NRG3: variants seen among roughly 807,000 people sequenced by gnomAD.
NRG3 encodes neuregulin 3.
A neutral mutation model predicts 66.9 loss-of-function variants in NRG3; 31 were observed. The observed-to-expected ratio is 0.46, with a 90% CI of 0.35 to 0.63. The LOEUF (loss-of-function observed/expected upper bound fraction) is 0.63. Ranked by LOEUF, NRG3 falls within the 20% of genes least tolerant of loss-of-function variation. The pLI is 0.00. For missense variants in NRG3, 910 were observed against 878.9 expected (o/e 1.04, Z -0.45); for synonymous variants, 393 against 359.4 (o/e 1.09, Z -1.06).
At chr10:82,866,850 A>T (rs1840790892) in intron 4 of NRG3, among the ~76,000 whole-genome samples, 1 of 152,162 alleles carries the variant, frequency 6.6e-6, no homozygotes, top group Non-Finnish European at 1.5e-5. Context: ...GAGTGTAAAT[A>T]ACCAAACTGA....
Position 82,985,746 on chromosome 10 carries a change from T to A in NRG3, c.*141T>A. 3.4e-6 allele frequency: 3 copies of A among 889,588 alleles called. No individual in the cohort carries two copies. The highest frequency in any genetic ancestry group is 5.1e-5 in the Admixed American group (2 of 39,098). The allele number at this position is 889,588 out of a possible 1,614,324, so 55.1% of individuals were successfully genotyped here. The stretch of plus-strand genomic sequence containing the variant: ...AGTCTATCGCCCTCATATCATAGTG[T>A]TTTTTAACAAAATATTTTTTTAAGG... On this transcript the variant is annotated 3_prime_UTR_variant, in exon 9 of 9. Transcript: ENST00000372141.
intron 1 of NRG3, chr10:81,877,713 C>T (rs1230554041): frequency 3.8e-6 from 5 of 1,330,872 alleles, no homozygotes; most frequent in East Asian, 3.0e-5. Flanking sequence ...AAGGAATCTG[C>T]CACAAACCAG....
chr10:82,470,970 G>T (rs758534524), intron 2 of NRG3, among the ~76,000 whole-genome samples: 1 of 152,024 alleles, frequency 6.6e-6, no homozygotes, highest in Non-Finnish European at 1.5e-5. Flanking sequence ...CTGGTTCTGC[G>T]GCTGTCTTTC....
At chr10:82,516,465 G>T (rs1173348899) in intron 2 of NRG3, among the ~76,000 whole-genome samples, 3 of 152,084 alleles carry the variant, frequency 2.0e-5, no homozygotes, top group Non-Finnish European at 4.4e-5. Flanking sequence ...GAACTGAACT[G>T]GGAGCCATTT....
chr10:82,114,544 C>T (rs965876339), intron 1 of NRG3, among the ~76,000 whole-genome samples: 3 of 152,104 alleles, frequency 2.0e-5, no homozygotes, highest in South Asian at 4.1e-4. Context: ...CACATGCTTG[C>T]ACAAGCATGT....
chr10:82,561,626 C>G (rs760643438), intron 2 of NRG3, among the ~76,000 whole-genome samples: 1 of 152,130 alleles, frequency 6.6e-6, no homozygotes, highest in Non-Finnish European at 1.5e-5. Context: ...GTGCTCCATC[C>G]TGGGTTTTGT....
rs1426877649 is a variant in NRG3 at position 82,928,113 on chromosome 10, CAT to C, written c.1055-23353_1055-23352del. ...TGACCAGTGATGATGAGCTTTTTTT[CAT>C]ATGTTTGCTGGCTATATAAATGTCT... On this transcript the variant is annotated intron_variant, in intron 4 of 8. Coordinates refer to ENST00000372141, the MANE Select transcript of NRG3 (RefSeq NM_001010848.4). Among the ~76,000 whole-genome samples, 4 of 152,174 alleles carry C rather than the reference CAT, an allele frequency of 2.6e-5. No individual in the cohort carries two copies. In the East Asian group the frequency reaches 5.8e-4, roughly 22 times the overall value.
At chr10:81,878,867 A>T (rs1302643494) in intron 1 of NRG3, among the ~76,000 whole-genome samples, 1 of 152,196 alleles carries the variant, frequency 6.6e-6, no homozygotes, top group Non-Finnish European at 1.5e-5. Context: ...TCTTAGATCA[A>T]TCAGAAGGAT....
intron 1 of NRG3, among the ~76,000 whole-genome samples, chr10:81,960,336 A>G (rs937502723): frequency 6.6e-6 from 1 of 152,106 alleles, no homozygotes; most frequent in African/African-American, 2.4e-5. Flanking sequence ...TAAATTTTTT[A>G]ATGTTGTGGC....
chr10:82,557,956 A>C (rs767447261), intron 2 of NRG3, among the ~76,000 whole-genome samples: 8 of 152,162 alleles, frequency 5.3e-5, no homozygotes, highest in Non-Finnish European at 1.0e-4. Context: ...CACTCGCTAC[A>C]TTACAAGGTG....
At chr10:82,559,817 A>G (rs1330661426) in intron 2 of NRG3, among the ~76,000 whole-genome samples, 1 of 152,182 alleles carries the variant, frequency 6.6e-6, no homozygotes, top group Non-Finnish European at 1.5e-5. Context: ...TTTTCAAGGG[A>G]CACCATACTT....
chr10:82,404,244 C>T (rs190394154), intron 2 of NRG3, among the ~76,000 whole-genome samples: 16 of 152,136 alleles, frequency 1.1e-4, no homozygotes, highest in Non-Finnish European at 4.4e-5. Flanking sequence ...CATTGCTCAC[C>T]CCTTCGGGAT....
chr10:81,896,358 C>T (rs1178270972), intron 1 of NRG3, among the ~76,000 whole-genome samples: 2 of 152,106 alleles, frequency 1.3e-5, no homozygotes, highest in Non-Finnish European at 2.9e-5. Flanking sequence ...CTCTCACTTT[C>T]TCGCCATCCT....
rs557325609 is a variant in NRG3 at position 82,532,448 on chromosome 10, C to A, written c.953+173580C>A. ...TACTATACAATGGATTACTATATATCTATTACTATACAATGGATTACTATA... is the reference window on the plus strand; with the variant it reads ...TACTATACAATGGATTACTATATATATATTACTATACAATGGATTACTATA... On this transcript the variant is annotated intron_variant, in intron 2 of 8. Transcript: ENST00000372141. 1.3e-3 allele frequency among the ~76,000 whole-genome samples: 196 copies of A among 148,588 alleles called. 1 individual carries two copies. The highest frequency in any genetic ancestry group is 4.3e-3 in the African/African-American group (177 of 40,774).
Position 81,935,919 on chromosome 10 carries a change from A to ACACAC in NRG3, c.823+59757_823+59761dup, listed in dbSNP as rs1554859985. Among the ~76,000 whole-genome samples the ACACAC allele has an allele frequency of 3.9e-3, 578 of 146,752 alleles. 5 individuals carry two copies. The highest frequency in any genetic ancestry group is 0.01 in the African/African-American group (391 of 38,426). On this transcript the variant is annotated intron_variant, in intron 1 of 8. Coordinates refer to ENST00000372141, the MANE Select transcript of NRG3 (RefSeq NM_001010848.4). Reference sequence around the variant, plus strand: ...CACACACACACACACACACACACACACACACAGTTTCCTGTGTTAAAATGG... The same window carrying ACACAC: ...CACACACACACACACACACACACACACACACCACACAGTTTCCTGTGTTAAAATGG...
At chr10:82,540,567 G>A (rs2043474693) in intron 2 of NRG3, among the ~76,000 whole-genome samples, 1 of 151,956 alleles carries the variant, frequency 6.6e-6, no homozygotes, top group Non-Finnish European at 1.5e-5. Flanking sequence ...CAGACAGTAT[G>A]CAGCCTGGAG....
Position 82,130,223 on chromosome 10 carries a change from A to G in NRG3, c.824-228516A>G, listed in dbSNP as rs189980210. Among the ~76,000 whole-genome samples the G allele has an allele frequency of 3.3e-5, 5 of 151,126 alleles. No individual in the cohort carries two copies. In the East Asian group the frequency reaches 9.7e-4, roughly 29 times the overall value. On this transcript the variant is annotated intron_variant, in intron 1 of 8. Transcript: ENST00000372141. Reference sequence around the variant, plus strand: ...TATGTATGTATCACTTTTTCTTTATATATATATATTTTTATTATACTTTAA... The same window carrying G: ...TATGTATGTATCACTTTTTCTTTATGTATATATATTTTTATTATACTTTAA...
chr10:82,692,251 CA>C (rs11323182), intron 2 of NRG3, among the ~76,000 whole-genome samples: 76,373 of 120,672 alleles, frequency 0.63, 21,735 homozygotes, highest in Non-Finnish European at 0.68. Flanking sequence ...GATTCCATCT[CA>C]AAAAAAAAAA....
chr10:82,806,651 T>G (rs995620474), intron 3 of NRG3, among the ~76,000 whole-genome samples: 15 of 152,226 alleles, frequency 9.9e-5, no homozygotes, highest in Non-Finnish European at 1.9e-4. Context: ...AGTTGTCATG[T>G]ACCATTAGTA....
Sources: gnomAD v4.1 joint callset for allele counts (sites outside exome capture counted in the v4.1 genomes callset) on GRCh38, gnomAD v4.1.1 for gene constraint, MANE v1.5 for transcripts, NCBI Gene and HGNC (gene_info 2026-07-23, HGNC 2026-07-21) for gene names.